POLDIP3: variants seen among roughly 807,000 people sequenced by gnomAD.
POLDIP3 encodes polymerase delta-interacting protein 3.
A neutral mutation model predicts 45.1 loss-of-function variants in POLDIP3; 14 were observed. The observed-to-expected ratio is 0.31, with a 90% CI of 0.20 to 0.49. The LOEUF (loss-of-function observed/expected upper bound fraction) is 0.49, where lower values mean the gene tolerates loss of function less well. Among genes scored for constraint, POLDIP3 ranks in the 20% least tolerant of loss-of-function variants. The pLI is 0.99. For synonymous variants in POLDIP3, 223 were observed against 205.2 expected (o/e 1.09, Z -0.74); for missense variants, 511 against 538.8 (o/e 0.95, Z 0.51).
chr22:42,599,278 C>T (rs760870959), intron 4 of POLDIP3, among the ~76,000 whole-genome samples: 1 of 152,360 alleles, frequency 6.6e-6, no homozygotes, highest in South Asian at 2.1e-4. Context: ...GAAAATCTTA[C>T]GGCCCAAACA....
chr22:42,604,521 A>G (rs1926599716), intron 1 of POLDIP3, among the ~76,000 whole-genome samples: 1 of 152,146 alleles, frequency 6.6e-6, no homozygotes, highest in Non-Finnish European at 1.5e-5. Flanking sequence ...CTGCTGTTAG[A>G]GGGTAAACTC....
Position 42,584,377 on chromosome 22 carries a change from AGACT to A in POLDIP3, c.*1410_*1413del, listed in dbSNP as rs1237332342. Reference sequence around the variant, plus strand: ...AAATCCTGGGTCCTTCCTGCCTGACAGACTGACCCCTGGAAACATGAGTCTCTGG... The same window carrying A: ...AAATCCTGGGTCCTTCCTGCCTGACAGACCCCTGGAAACATGAGTCTCTGG... On this transcript the variant is annotated 3_prime_UTR_variant, in exon 9 of 9. Coordinates refer to ENST00000252115, the MANE Select transcript of POLDIP3 (RefSeq NM_032311.5). The A allele has an allele frequency of 6.3e-6, 1 of 158,548 alleles. No homozygotes were observed. Among genetic ancestry groups the A allele is most frequent in the Admixed American group, 5.8e-5 (1 of 17,366 alleles). 9.8% of individuals were successfully genotyped at this position (158,548 alleles called of 1,614,324 possible). A position where few individuals can be genotyped will look rare whatever the true frequency, so the allele number is the denominator to read the frequency against.
chr22:42,600,453 C>T (rs991967677), intron 3 of POLDIP3, among the ~76,000 whole-genome samples: 12 of 150,160 alleles, frequency 8.0e-5, no homozygotes, highest in East Asian at 7.9e-4. Flanking sequence ...GGTGAAACCC[C>T]GTCTCTACGA....
At chr22:42,608,994 G>A (rs967499339) in intron 1 of POLDIP3, among the ~76,000 whole-genome samples, 1 of 152,186 alleles carries the variant, frequency 6.6e-6, no homozygotes, top group African/African-American at 2.4e-5. Context: ...CATCCCAGCA[G>A]GCAGCAGTAC....
intron 8 of POLDIP3, among the ~76,000 whole-genome samples, chr22:42,587,206 G>A (rs1405858804): frequency 6.6e-6 from 1 of 152,172 alleles, no homozygotes; most frequent in East Asian, 1.9e-4. Context: ...CTGTTCCCGG[G>A]ATGATGCACA....
intron 6 of POLDIP3, among the ~76,000 whole-genome samples, chr22:42,592,620 A>G (rs557531659): frequency 2.0e-5 from 3 of 152,318 alleles, no homozygotes; most frequent in Admixed American, 1.3e-4. Context: ...TTGATCCCCC[A>G]GGCTCTGCTT....
chr22:42,594,077 T>A (rs1925834641), intron 6 of POLDIP3, among the ~76,000 whole-genome samples: 1 of 152,096 alleles, frequency 6.6e-6, no homozygotes, highest in African/African-American at 2.4e-5. Context: ...ACGGCCAACA[T>A]GGTGAAACCT....
Position 42,585,144 on chromosome 22 carries a change from G to A in POLDIP3, c.*647C>T, listed in dbSNP as rs768892660. ...AACTTCCTCTGGGTGGAGACGACAC[G>A]GGACTCCAAGCCAAGAGCTTAGATA... On this transcript the variant is annotated 3_prime_UTR_variant, in exon 9 of 9. Coordinates refer to ENST00000252115, the MANE Select transcript of POLDIP3 (RefSeq NM_032311.5). 7.6e-5 allele frequency: 34 copies of A among 444,508 alleles called. No individual in the cohort carries two copies. Among genetic ancestry groups the A allele is most frequent in the South Asian group, 4.0e-4 (25 of 62,538 alleles). 27.5% of individuals were successfully genotyped at this position (444,508 alleles called of 1,614,324 possible).
chr22:42,585,666 T>C lies in POLDIP3; in HGVS notation c.*125A>G, dbSNP rs1427912032. ...GGTCCCATCCAGTGAGGAAGCTCTT[T>C]ATCCCTGGCAACCCTTCCCACAATC... On this transcript the variant is annotated 3_prime_UTR_variant, in exon 9 of 9. Transcript: ENST00000252115. 1.7e-6 allele frequency: 2 copies of C among 1,172,206 alleles called. No individual in the cohort carries two copies. Among genetic ancestry groups the C allele is most frequent in the African/African-American group, 1.5e-5 (1 of 64,546 alleles). The allele number at this position is 1,172,206 out of a possible 1,614,324, so 72.6% of individuals were successfully genotyped here. A position where few individuals can be genotyped will look rare whatever the true frequency, so the allele number is the denominator to read the frequency against.
intron 4 of POLDIP3, among the ~76,000 whole-genome samples, chr22:42,597,249 G>A (rs759894340): frequency 1.3e-5 from 2 of 152,230 alleles, no homozygotes; most frequent in African/African-American, 4.8e-5. Flanking sequence ...CGGGGGCCCT[G>A]CTGATTTAGG....
chr22:42,614,864 C>G lies in POLDIP3; in HGVS notation c.-7G>C. On this transcript the variant is annotated 5_prime_UTR_variant, in exon 1 of 9. Transcript: ENST00000252115. ...CCAGGGAGATGTCCGCCATCTTGCT[C>G]CGCCGAGCAAGCCGAAAGCAGTCGA... 6.2e-7 allele frequency: 1 copy of G among 1,613,750 alleles called. No individual in the cohort carries two copies. The highest frequency in any genetic ancestry group is 8.5e-7 in the Non-Finnish European group (1 of 1,179,924).
At chr22:42,609,448 C>G (rs984383707) in intron 1 of POLDIP3, among the ~76,000 whole-genome samples, 9 of 152,174 alleles carry the variant, frequency 5.9e-5, no homozygotes, top group African/African-American at 1.4e-4. Flanking sequence ...CCTACGGGAA[C>G]CTGGCATAGG....
At chr22:42,603,986 G>A (rs1397147738) in intron 1 of POLDIP3, among the ~76,000 whole-genome samples, 1 of 152,090 alleles carries the variant, frequency 6.6e-6, no homozygotes, top group Non-Finnish European at 1.5e-5. Flanking sequence ...ACAGGCCCCG[G>A]TCTCTTTCTT....
intron 1 of POLDIP3, among the ~76,000 whole-genome samples, chr22:42,608,679 G>A (rs146364329): frequency 6.4e-4 from 97 of 152,238 alleles, no homozygotes; most frequent in Non-Finnish European, 9.6e-4. Context: ...GGTGGTGCAC[G>A]CACTGAGAAC....
intron 1 of POLDIP3, among the ~76,000 whole-genome samples, chr22:42,608,959 C>A (rs1926948274): frequency 6.6e-6 from 1 of 152,210 alleles, no homozygotes; most frequent in African/African-American, 2.4e-5. Context: ...CACAGCTGCT[C>A]TTCCTGCATG....
intron 8 of POLDIP3, 134 bp downstream of exon 8, chr22:42,587,372 C>T (rs930259898): frequency 2.3e-4 from 213 of 925,810 alleles, no homozygotes; most frequent in Middle Eastern, 1.0e-3. Context: ...GCATATGAAA[C>T]GGCCAGCTGC....
Position 42,596,269 on chromosome 22 carries a change from A to C in POLDIP3, c.730T>G (p.Ser244Ala), listed in dbSNP as rs142034962. The change falls in exon 5 of 9, where the codon TCT becomes GCT. Residue 244 changes from serine (S) to alanine (A), a missense_variant. Physicochemically the swap from Ser to Ala is moderately conservative, Grantham distance 99 (BLOSUM62 1). Coordinates refer to ENST00000252115, the MANE Select transcript of POLDIP3 (RefSeq NM_032311.5). The part of the protein sequence containing the change: ...DAYTAPALPS[S>A]IRTKALTNMS... ...TTGGTCAAGGCTTTTGTTCGAATAG[A>C]GGAAGGGAGAGCAGGAGCTGTGTAT... 1.9e-6 allele frequency: 3 copies of C among 1,614,168 alleles called. No homozygotes were observed. In the East Asian group the frequency reaches 6.7e-5, roughly 36 times the overall value.
At chr22:42,590,270 C>A (rs1925582279) in intron 7 of POLDIP3, among the ~76,000 whole-genome samples, 1 of 152,208 alleles carries the variant, frequency 6.6e-6, no homozygotes, top group African/African-American at 2.4e-5. Context: ...CTCACTACAG[C>A]CTCAACTTCC....
rs556067755 is a variant in POLDIP3 at position 42,607,432 on chromosome 22, T to C, written c.60-4272A>G. Among the ~76,000 whole-genome samples the C allele has an allele frequency of 5.3e-5, 8 of 152,342 alleles. No homozygotes were observed. In the South Asian group the frequency reaches 1.4e-3, roughly 28 times the overall value. On this transcript the variant is annotated intron_variant, in intron 1 of 8. Coordinates refer to ENST00000252115, the MANE Select transcript of POLDIP3 (RefSeq NM_032311.5). ...TCAGTGCTCGTTGCCCAGGCTGGAA[T>C]GCAGTGGAGTGATCTCGGCTCGCTA...
Sources: allele counts gnomAD v4.1 joint callset (sites outside exome capture counted in the v4.1 genomes callset), GRCh38; gene constraint gnomAD v4.1.1; transcripts MANE v1.5; gene names NCBI Gene and HGNC (gene_info 2026-07-23, HGNC 2026-07-21).